Variants in TENM2 observed in about 807,000 individuals in gnomAD.
TENM2 encodes the protein teneurin-2.
Under a neutral mutation model 245.2 loss-of-function variants are expected in TENM2, and 52 were observed. That is an observed-to-expected ratio of 0.21 (90% CI 0.17 to 0.27). The LOEUF is 0.27. Ranked by LOEUF, TENM2 falls within the 10% of genes least tolerant of loss-of-function variation. TENM2 has a pLI of 1.00. For missense variants in TENM2, 3,046 were observed against 3,666.8 expected, an observed-to-expected ratio of 0.83 and a Z score of 4.37; for synonymous variants, 1,363 against 1,438.9, an observed-to-expected ratio of 0.95 and a Z score of 1.19.
intron 2 of TENM2, among the ~76,000 whole-genome samples, chr5:167,416,012 A>G (rs1763150682): frequency 6.6e-6 from 1 of 152,178 alleles, no homozygotes; most frequent in Non-Finnish European, 1.5e-5. Context: ...GCACTTAGCC[A>G]TGCAATTTAT....
chr5:168,063,771 G>A (rs902875751), intron 7 of TENM2, among the ~76,000 whole-genome samples: 3 of 152,088 alleles, frequency 2.0e-5, no homozygotes, highest in Non-Finnish European at 4.4e-5. Flanking sequence ...ACTATCAATC[G>A]ACCATTGTTG....
At chr5:168,025,270 C>T (rs1441147939) in intron 5 of TENM2, among the ~76,000 whole-genome samples, 1 of 152,100 alleles carries the variant, frequency 6.6e-6, no homozygotes. Context: ...AAATACAGGC[C>T]CTGCATTTCA....
At chr5:167,921,913 T>C (rs1393559921) in intron 3 of TENM2, among the ~76,000 whole-genome samples, 1 of 152,172 alleles carries the variant, frequency 6.6e-6, no homozygotes, top group Admixed American at 6.5e-5. Context: ...TAGAACTTTC[T>C]CTGGCTACCA....
intron 2 of TENM2, among the ~76,000 whole-genome samples, chr5:167,846,017 C>T (rs1322813494): frequency 6.6e-6 from 1 of 152,182 alleles, no homozygotes; most frequent in Admixed American, 6.5e-5. Flanking sequence ...CAATGCCCAA[C>T]TCTAAAATCA....
chr5:167,206,961 A>G, the TENM2 span, among the ~76,000 whole-genome samples: 3 of 152,188 alleles, frequency 2.0e-5, no homozygotes, highest in African/African-American at 7.2e-5. Flanking sequence ...ACCATCATAA[A>G]GATTTAAAAT....
At chr5:168,203,200 T>G (rs1446313910) in intron 17 of TENM2, among the ~76,000 whole-genome samples, 1 of 152,234 alleles carries the variant, frequency 6.6e-6, no homozygotes, top group Non-Finnish European at 1.5e-5. Context: ...CCAAGTGTCT[T>G]AATTTACACA....
the TENM2 span, among the ~76,000 whole-genome samples, chr5:167,272,134 C>T: frequency 6.6e-6 from 1 of 152,182 alleles, no homozygotes; most frequent in Admixed American, 6.5e-5. Context: ...GGCAGACAGA[C>T]TCCAGCTTCA....
intron 12 of TENM2, 147 bp from the exon 15 acceptor site, chr5:168,162,464 C>T: frequency 1.3e-6 from 1 of 762,236 alleles, no homozygotes; most frequent in South Asian, 1.9e-5. Context: ...TGCCTGCTCC[C>T]CTGACTCTGT....
At chr5:167,860,203 C>T (rs1256044131) in intron 2 of TENM2, among the ~76,000 whole-genome samples, 104 of 125,238 alleles carry the variant, frequency 8.3e-4, no homozygotes, top group South Asian at 2.2e-3. Context: ...GGTCAGCCCC[C>T]CGCCCGGCCA....
the TENM2 span, among the ~76,000 whole-genome samples, chr5:167,000,869 A>T: frequency 2.6e-5 from 4 of 152,188 alleles, no homozygotes; most frequent in African/African-American, 9.7e-5. Context: ...TTACTTATGT[A>T]AAAACCTTCT....
At chr5:167,439,617 TATA>T (rs1274507053) in intron 2 of TENM2, among the ~76,000 whole-genome samples, 1 of 152,162 alleles carries the variant, frequency 6.6e-6, no homozygotes, top group Non-Finnish European at 1.5e-5. Flanking sequence ...ATACACTGCA[TATA>T]ATAATAATGA....
chr5:167,346,242 T>C (rs1758450773), intron 1 of TENM2, among the ~76,000 whole-genome samples: 2 of 152,250 alleles, frequency 1.3e-5, no homozygotes, highest in South Asian at 4.1e-4. Context: ...AAGATGCATT[T>C]ATTACATTAT....
intron 2 of TENM2, among the ~76,000 whole-genome samples, chr5:167,595,287 A>ACCTCT (rs760011957): frequency 1.3e-5 from 2 of 152,232 alleles, no homozygotes; most frequent in African/African-American, 2.4e-5. Flanking sequence ...TACCTTTGTT[A>ACCTCT]GTCATTTAGA....
intron 12 of TENM2, among the ~76,000 whole-genome samples, chr5:168,128,638 AC>A (rs1351560347): frequency 6.6e-6 from 1 of 152,242 alleles, no homozygotes; most frequent in Non-Finnish European, 1.5e-5. Context: ...GAAATAGCTC[AC>A]AAGAGGGCAG....
At chr5:168,206,472 G>A (rs1022835291) in intron 19 of TENM2, among the ~76,000 whole-genome samples, 1 of 152,210 alleles carries the variant, frequency 6.6e-6, no homozygotes, top group African/African-American at 2.4e-5. Context: ...AGTCAGTGCA[G>A]TTCAAGCTGA....
chr5:167,819,374 A>T (rs1767322801), intron 2 of TENM2, among the ~76,000 whole-genome samples: 1 of 152,198 alleles, frequency 6.6e-6, no homozygotes, highest in Non-Finnish European at 1.5e-5. Context: ...ACAGGGATGC[A>T]TGTTCAGGAG....
At chr5:167,215,463 G>T in the TENM2 span, among the ~76,000 whole-genome samples, 1 of 152,096 alleles carries the variant, frequency 6.6e-6, no homozygotes, top group East Asian at 1.9e-4. Flanking sequence ...TGGATCTTTG[G>T]GTGGAAAATA....
chr5:167,989,294 G>T (rs540249893), intron 4 of TENM2, among the ~76,000 whole-genome samples: 45 of 151,218 alleles, frequency 3.0e-4, no homozygotes, highest in East Asian at 5.8e-4. Flanking sequence ...GAGAGAGAGA[G>T]AGAGAGATAG....
chr5:167,249,486 T>C, the TENM2 span, among the ~76,000 whole-genome samples: 2 of 152,162 alleles, frequency 1.3e-5, no homozygotes, highest in African/African-American at 4.8e-5. Context: ...ACCTCCTCCT[T>C]ACTTCTCTCA....
Sources: gnomAD v4.1 joint callset for allele counts (sites outside exome capture counted in the v4.1 genomes callset) on GRCh38, gnomAD v4.1.1 for gene constraint, MANE v1.5 for transcripts, NCBI Gene and HGNC (gene_info 2026-07-23, HGNC 2026-07-21) for gene names.